Variants in PAPLN observed in about 807,000 individuals in gnomAD.
PAPLN encodes papilin, proteoglycan like sulfated glycoprotein.
PAPLN carries 146 observed loss-of-function variants against 159.0 expected under a neutral mutation model. The observed-to-expected ratio is 0.92, with a 90% CI of 0.80 to 1.05. The LOEUF (loss-of-function observed/expected upper bound fraction) is 1.05. PAPLN is among the 50% of genes least tolerant of loss of function. The pLI is 0.00. For missense variants in PAPLN, 1,720 were observed against 1,743.9 expected, an observed-to-expected ratio of 0.99 and a Z score of 0.24; for synonymous variants, 734 against 702.9, an observed-to-expected ratio of 1.04 and a Z score of -0.70.
chr14:73,246,213 G>A, intron 5 of PAPLN, 38 bp downstream of exon 5: 6 of 1,500,132 alleles, frequency 4.0e-6, no homozygotes, highest in Non-Finnish European at 5.4e-6. Flanking sequence ...GGGGCCTCTT[G>A]TATACCTACG....
At position 73,248,104 on chromosome 14, in the gene PAPLN, T is replaced by TGCGC. The variant is rs549399055; in HGVS notation, c.335-1879_335-1878insCGCG. Among the ~76,000 whole-genome samples the TGCGC allele has an allele frequency of 6.1e-3, 633 of 103,518 alleles. 51 individuals carry two copies. The East Asian group carries it at 0.11, about 19-fold the overall frequency. 67.9% of individuals were successfully genotyped at this position (103,518 alleles called of 152,430 possible). On this transcript the variant is annotated intron_variant, in intron 5 of 26. Transcript: ENST00000644200. Reference sequence around the variant, plus strand: ...GTGTGTGTGTGTGTGTGTGTGTGTGTGTGCGCGTGTGTGTGTTGTGGGGAT... The same window carrying TGCGC: ...GTGTGTGTGTGTGTGTGTGTGTGTGTGCGCGTGCGCGTGTGTGTGTTGTGGGGAT...
At chr14:73,259,092 C>T (rs1886258176) in intron 15 of PAPLN, 33 bp downstream of exon 15, 2 of 1,585,536 alleles carry the variant, frequency 1.3e-6, no homozygotes, top group South Asian at 2.3e-5. Context: ...CACTCAGAGC[C>T]CTGTAGTTTT....
At chr14:73,240,902 A>G (rs1883471512) in intron 2 of PAPLN, among the ~76,000 whole-genome samples, 1 of 152,150 alleles carries the variant, frequency 6.6e-6, no homozygotes, top group African/African-American at 2.4e-5. Flanking sequence ...CCCCAGGAGA[A>G]ATCTCCCAGG....
In PAPLN at chr14:73,246,142, GGGC is replaced by G. The variant is rs1566674238; in HGVS notation, c.307_309del (p.Arg103del). 1 of 1,591,212 alleles carries G rather than the reference GGGC, an allele frequency of 6.3e-7. No homozygotes were observed. Among genetic ancestry groups the G allele is most frequent in the Admixed American group, 1.8e-5 (1 of 56,522 alleles). ...GGAGTTCGACGGAGCGGAGTTCCAG[GGGC>G]GGCGGTATCGGTGGCTGCCCTACTA... On this transcript the variant is annotated inframe_deletion, in exon 5 of 27. Transcript: ENST00000644200.
intron 17 of PAPLN, 94 bp from the exon 18 acceptor site, chr14:73,261,062 C>A: frequency 6.3e-7 from 1 of 1,595,562 alleles, no homozygotes; most frequent in Non-Finnish European, 8.6e-7. Flanking sequence ...GGGGTTCTGG[C>A]CCCTCCTTCC....
rs534579544 is a variant in PAPLN, at chr14:73,274,573, T to A, written c.*1909T>A. The stretch of plus-strand genomic sequence containing the variant: ...ATATTGAAGAGCATCCATGTTCACT[T>A]ATGGCTGGTTTTGCTATAGAAATTG... On this transcript the variant is annotated 3_prime_UTR_variant, in exon 27 of 27. Transcript: ENST00000644200. 25 of 152,228 alleles carry A rather than the reference T, an allele frequency of 1.6e-4. No individual in the cohort carries two copies. The highest frequency in any genetic ancestry group is 2.9e-4 in the Non-Finnish European group (20 of 68,044). The allele number at this position is 152,228 out of a possible 1,614,324, so 9.4% of individuals were successfully genotyped here. A position where few individuals can be genotyped will look rare whatever the true frequency, so the allele number is the denominator to read the frequency against.
chr14:73,252,142 G>A lies in PAPLN; in HGVS notation c.967+1G>A, dbSNP rs1199957590. On this transcript the variant is annotated splice_donor_variant, in intron 10 of 26. Coordinates refer to ENST00000644200, the MANE Select transcript of PAPLN (RefSeq NM_001365906.3). LOFTEE classifies it high-confidence loss of function. Reference sequence around the variant, plus strand: ...GACTGCAGCGCGGAGTGTGGCGGAGGTGCGGGCGTGGATGGCCCAGGGGAG... The same window carrying A: ...GACTGCAGCGCGGAGTGTGGCGGAGATGCGGGCGTGGATGGCCCAGGGGAG... The A allele has an allele frequency of 4.4e-6, 7 of 1,597,106 alleles. No homozygotes were observed. The highest frequency in any genetic ancestry group is 6.0e-6 in the Non-Finnish European group (7 of 1,171,756).
intron 10 of PAPLN, among the ~76,000 whole-genome samples, 163 bp downstream of exon 10, chr14:73,252,304 C>T (rs1343648196): frequency 3.3e-5 from 5 of 152,156 alleles, no homozygotes; most frequent in Admixed American, 3.3e-4. Context: ...GAGGAAAACC[C>T]AGGGATCTGG....
chr14:73,265,547 C>T lies in PAPLN; in HGVS notation c.3263+40C>T, dbSNP rs751622144. ...TCTCCCCTTCCTCCTATTCTGCCTC[C>T]AGCCCCACCTTATCCTATGGAGGCC... On this transcript the variant is annotated intron_variant, in intron 23 of 26. Coordinates refer to ENST00000644200, the MANE Select transcript of PAPLN (RefSeq NM_001365906.3). This position sits in a 1 kb window ranked among gnomAD's most constrained non-coding sequence, Gnocchi z 4.1. 6.2e-7 allele frequency: 1 copy of T among 1,603,274 alleles called. No individual in the cohort carries two copies. Among genetic ancestry groups the T allele is most frequent in the Non-Finnish European group, 8.5e-7 (1 of 1,174,330 alleles).
chr14:73,265,630 G>A lies in PAPLN; in HGVS notation c.3263+123G>A. ...GGCCAGTCCTGAGCCGGACTCCAGG[G>A]CCTCTTGAGAGATGGAGCAGCTGGG... On this transcript the variant is annotated intron_variant, in intron 23 of 26. Coordinates refer to ENST00000644200, the MANE Select transcript of PAPLN (RefSeq NM_001365906.3). The surrounding 1 kb of genome is among the most constrained non-coding windows in gnomAD (Gnocchi z 4.1). 7.1e-7 allele frequency: 1 copy of A among 1,403,686 alleles called. No homozygotes were observed. Among genetic ancestry groups the A allele is most frequent in the Non-Finnish European group, 9.5e-7 (1 of 1,047,164 alleles). 87.0% of individuals were successfully genotyped at this position (1,403,686 alleles called of 1,614,324 possible).
chr14:73,259,640 G>A (rs1886337393), intron 16 of PAPLN, 95 bp downstream of exon 16: 7 of 1,381,324 alleles, frequency 5.1e-6, no homozygotes, highest in Non-Finnish European at 6.6e-6. Context: ...AGAGGGCTGG[G>A]GTGGGTGTGC....
At chr14:73,261,361 C>T (rs958918894) in intron 18 of PAPLN, 67 bp downstream of exon 18, 6 of 1,556,924 alleles carry the variant, frequency 3.9e-6, no homozygotes, top group Admixed American at 3.9e-5. Flanking sequence ...CTCCAGCCCC[C>T]ACCCAGGACC....
At chr14:73,268,470 C>A (rs1887426076) in intron 25 of PAPLN, 87 bp from the exon 26 acceptor site, 2 of 1,408,860 alleles carry the variant, frequency 1.4e-6, no homozygotes, top group Middle Eastern at 1.9e-4. Flanking sequence ...ACGGTTGGCT[C>A]TGGAATGGCC....
Position 73,262,490 on chromosome 14 carries a change from T to A in PAPLN, c.2386T>A (p.Ser796Thr). Reference sequence around the variant, plus strand: ...CCATGGCAATGCCAATAACTTTGCCTCGGAGCAAGAGTGCATGAGCAGCTG... The same window carrying A: ...CCATGGCAATGCCAATAACTTTGCCACGGAGCAAGAGTGCATGAGCAGCTG... Reference protein sequence around the residue: ...GCHGNANNFASEQECMSSCQG... With the variant: ...GCHGNANNFATEQECMSSCQG... The change falls in exon 19 of 27, where the codon TCG becomes ACG. Residue 796 changes from serine to threonine, a missense_variant. Ser to Thr is a moderately conservative substitution (Grantham distance 58). Transcript: ENST00000644200. 1 of 1,597,800 alleles carries A rather than the reference T, an allele frequency of 6.3e-7. No individual in the cohort carries two copies. The highest frequency in any genetic ancestry group is 8.5e-7 in the Non-Finnish European group (1 of 1,171,882).
In PAPLN at chr14:73,263,739, C is replaced by T; in HGVS notation, c.2818C>T (p.Gln940Ter). 5 of 1,609,088 alleles carry T rather than the reference C, an allele frequency of 3.1e-6. No homozygotes were observed. The highest frequency in any genetic ancestry group is 4.2e-6 in the Non-Finnish European group (5 of 1,179,940). Reference protein sequence around the residue: ...SCSDDTAPESQAAWQKDGQPI... With the variant: ...SCSDDTAPES ...CTCAGACGACACTGCCCCGGAATCCCAGGCTGCCTGGCAGAAAGATGGCCA... is the reference window on the plus strand; with the variant it reads ...CTCAGACGACACTGCCCCGGAATCCTAGGCTGCCTGGCAGAAAGATGGCCA... Residue 940 changes from glutamine to a stop codon, truncating the protein, a stop_gained, in exon 20 of 27, where the codon CAG becomes TAG. Coordinates refer to ENST00000644200, the MANE Select transcript of PAPLN (RefSeq NM_001365906.3). LOFTEE classifies it high-confidence loss of function.
At chr14:73,263,529 C>T in intron 19 of PAPLN, 116 bp from the exon 20 acceptor site, 4 of 1,413,468 alleles carry the variant, frequency 2.8e-6, no homozygotes, top group Non-Finnish European at 3.9e-6. Context: ...CCTCTAGCCC[C>T]AAAAGTGCCT....
At position 73,253,134 on chromosome 14, in the gene PAPLN, C is replaced by T. The variant is rs765001771; in HGVS notation, c.1094+359C>T. ...GTCAGGCCAAAGGGCCTGTTGGCAT[C>T]GGCCATGGCTTTGTTCGTGCACAAA... On this transcript the variant is annotated intron_variant, in intron 11 of 26. Transcript: ENST00000644200. 1.7e-5 allele frequency: 24 copies of T among 1,387,410 alleles called. No individual in the cohort carries two copies. In the African/African-American group the frequency reaches 2.0e-4, roughly 12 times the overall value. The allele number at this position is 1,387,410 out of a possible 1,614,324, so 85.9% of individuals were successfully genotyped here.
rs1887948231 is a variant in PAPLN, at chr14:73,273,951, G to C, written c.*1287G>C. On this transcript the variant is annotated 3_prime_UTR_variant, in exon 27 of 27. Transcript: ENST00000644200. Reference sequence around the variant, plus strand: ...AAACGCTCCTTACGTCGAGATGTTGGACCTTGAAGCCCTCCTGAGGCCAAC... The same window carrying C: ...AAACGCTCCTTACGTCGAGATGTTGCACCTTGAAGCCCTCCTGAGGCCAAC... 1 of 152,220 alleles carries C rather than the reference G, an allele frequency of 6.6e-6. No homozygotes were observed. The highest frequency in any genetic ancestry group is 1.5e-5 in the Non-Finnish European group (1 of 68,040). 9.4% of individuals were successfully genotyped at this position (152,220 alleles called of 1,614,324 possible).
intron 5 of PAPLN, among the ~76,000 whole-genome samples, chr14:73,248,957 CCT>C (rs1375836008): frequency 5.3e-5 from 8 of 152,046 alleles, no homozygotes; most frequent in African/African-American, 1.7e-4. Context: ...GTAGTGAGAC[CCT>C]GTCTCTACAA....
Sources: allele counts gnomAD v4.1 joint callset (sites outside exome capture counted in the v4.1 genomes callset), GRCh38; gene constraint gnomAD v4.1.1; non-coding constraint Gnocchi (gnomAD v3.1); transcripts MANE v1.5; gene names NCBI Gene and HGNC (gene_info 2026-07-23, HGNC 2026-07-21).